The following ADGRL2 variants were observed in gnomAD, a reference collection of about 807,000 sequenced individuals.
ADGRL2 encodes calcium-independent alpha-latrotoxin receptor 2.
In ADGRL2, 44 loss-of-function variants were observed where a neutral mutation model predicts 157.4. The ratio of observed to expected loss-of-function variants is 0.28; its 90% CI spans 0.22 to 0.36. ADGRL2 has a LOEUF of 0.36. Among genes scored for constraint, ADGRL2 ranks in the 10% least tolerant of loss-of-function variants. ADGRL2 has a pLI of 1.00. For missense variants in ADGRL2, 1,510 were observed against 1,768.9 expected (o/e 0.85, Z 2.63); for synonymous variants, 585 against 624.7 (o/e 0.94, Z 0.95).
chr1:81,483,025 T>G (rs2147893197), intron 2 of ADGRL2, among the ~76,000 whole-genome samples: 1 of 152,194 alleles, frequency 6.6e-6, no homozygotes, highest in East Asian at 1.9e-4. Context: ...TTTATTTAAT[T>G]TGTTCCTAAA....
intron 3 of ADGRL2, among the ~76,000 whole-genome samples, chr1:81,614,459 A>C (rs1470009151): frequency 6.6e-6 from 1 of 152,188 alleles, no homozygotes; most frequent in Non-Finnish European, 1.5e-5. Context: ...ATCAGGCTGC[A>C]TGGCATTAAA....
chr1:81,527,356 C>A (rs2079484886), intron 2 of ADGRL2, among the ~76,000 whole-genome samples: 2 of 152,128 alleles, frequency 1.3e-5, no homozygotes, highest in African/African-American at 2.4e-5. Flanking sequence ...GAGGGGGAGT[C>A]TCAGGGAGGA....
intron 1 of ADGRL2, among the ~76,000 whole-genome samples, chr1:81,367,326 T>C (rs769260770): frequency 6.6e-6 from 1 of 152,134 alleles, no homozygotes; most frequent in African/African-American, 2.4e-5. Flanking sequence ...ATCACCCAGG[T>C]ATTAAGCCCA....
intron 1 of ADGRL2, among the ~76,000 whole-genome samples, chr1:81,434,173 G>A (rs968126082): frequency 6.6e-6 from 1 of 152,224 alleles, no homozygotes; most frequent in Non-Finnish European, 1.5e-5. Flanking sequence ...ATCTCAATTA[G>A]AGGAGTAGTA....
chr1:81,349,007 A>C (rs1371484782), intron 1 of ADGRL2, among the ~76,000 whole-genome samples: 1 of 152,214 alleles, frequency 6.6e-6, no homozygotes, highest in African/African-American at 2.4e-5. Context: ...ATACTCCAAG[A>C]GATTCAGTCA....
At chr1:81,614,399 C>A (rs1485422678) in intron 3 of ADGRL2, among the ~76,000 whole-genome samples, 4 of 152,154 alleles carry the variant, frequency 2.6e-5, no homozygotes, top group Non-Finnish European at 5.9e-5. Flanking sequence ...CTCTCCATTC[C>A]ATGGTATAGT....
chr1:81,581,200 A>C (rs1047948855), intron 3 of ADGRL2, among the ~76,000 whole-genome samples: 29 of 152,174 alleles, frequency 1.9e-4, no homozygotes, highest in African/African-American at 6.8e-4. Context: ...AAATAAGGTC[A>C]GCTTTGCAAG....
chr1:81,454,731 C>T (rs1021858506), intron 2 of ADGRL2, among the ~76,000 whole-genome samples: 7 of 152,156 alleles, frequency 4.6e-5, no homozygotes, highest in South Asian at 2.1e-4. Context: ...ATATCAAGAG[C>T]GATCCTTTCA....
At chr1:81,410,607 G>A (rs984296019) in intron 1 of ADGRL2, among the ~76,000 whole-genome samples, 1 of 152,194 alleles carries the variant, frequency 6.6e-6, no homozygotes, top group African/African-American at 2.4e-5. Flanking sequence ...AGACTGACAA[G>A]CCCTGGCCTT....
chr1:81,392,819 T>C (rs1210459389), intron 1 of ADGRL2, among the ~76,000 whole-genome samples: 1 of 152,150 alleles, frequency 6.6e-6, no homozygotes, highest in Non-Finnish European at 1.5e-5. Flanking sequence ...TCATCTAGTA[T>C]AGACTGTATC....
chr1:81,666,171 T>C (rs1484253644), intron 3 of ADGRL2, among the ~76,000 whole-genome samples: 2 of 152,184 alleles, frequency 1.3e-5, no homozygotes, highest in Non-Finnish European at 2.9e-5. Flanking sequence ...AACATCTGTT[T>C]AAGTGCATTT....
chr1:81,509,658 G>C (rs1336699829), intron 2 of ADGRL2, among the ~76,000 whole-genome samples: 1 of 152,236 alleles, frequency 6.6e-6, no homozygotes, highest in Non-Finnish European at 1.5e-5. Context: ...AACAGAGCCT[G>C]AGGAGCTAGC....
chr1:81,314,702 A>C (rs1403923744), intron 1 of ADGRL2, among the ~76,000 whole-genome samples: 1 of 152,186 alleles, frequency 6.6e-6, no homozygotes, highest in African/African-American at 2.4e-5. Context: ...TAATGAGATA[A>C]AATAGTGTCA....
Position 81,783,658 on chromosome 1 carries a change from T to C in ADGRL2, c.-101+21806T>C, listed in dbSNP as rs2086909578. On this transcript the variant is annotated intron_variant, in intron 2 of 20. Transcript: ENST00000359929. ...AACAATAATACTAGCATATGTACGA[T>C]GATAGGACTTTTACGTAGTCAATAT... Among the ~76,000 whole-genome samples the C allele has an allele frequency of 3.3e-5, 5 of 152,264 alleles. No individual in the cohort carries two copies. In the South Asian group the frequency reaches 1.0e-3, roughly 32 times the overall value.
chr1:81,539,504 G>A (rs144222722), intron 2 of ADGRL2, among the ~76,000 whole-genome samples: 604 of 152,160 alleles, frequency 4.0e-3, no homozygotes, highest in Non-Finnish European at 5.7e-3. Flanking sequence ...GCCCCCGATC[G>A]CCTGATGCTG....
chr1:81,410,561 G>A (rs1001552637), intron 1 of ADGRL2, among the ~76,000 whole-genome samples: 1 of 152,176 alleles, frequency 6.6e-6, no homozygotes, highest in Non-Finnish European at 1.5e-5. Flanking sequence ...TAACATAGAA[G>A]CTATGCCAGC....
intron 5 of ADGRL2, among the ~76,000 whole-genome samples, chr1:81,942,408 C>T (rs1648373548): frequency 6.6e-6 from 1 of 151,890 alleles, no homozygotes; most frequent in Non-Finnish European, 1.5e-5. Context: ...TTCATCACTG[C>T]TTTTCTTGCA....
At chr1:81,980,833 T>TA in intron 18 of ADGRL2, 2 of 717,488 alleles carry the variant, frequency 2.8e-6, no homozygotes, top group African/African-American at 1.7e-5. Flanking sequence ...AATACGGACT[T>TA]ACCTGGGTAA....
intron 2 of ADGRL2, among the ~76,000 whole-genome samples, chr1:81,566,269 A>G (rs1324855385): frequency 1.3e-5 from 2 of 152,152 alleles, no homozygotes; most frequent in Non-Finnish European, 2.9e-5. Context: ...TGTCCACCAC[A>G]TAGTTTTAAA....
Sources: allele counts gnomAD v4.1 joint callset (sites outside exome capture counted in the v4.1 genomes callset), GRCh38; gene constraint gnomAD v4.1.1; transcripts MANE v1.5; gene names NCBI Gene and HGNC (gene_info 2026-07-23, HGNC 2026-07-21).